The following GAS2 variants were observed in gnomAD, a reference collection of about 807,000 sequenced individuals.
GAS2 encodes growth arrest specific 2, also known as growth arrest-specific protein 2.
In GAS2, 20 loss-of-function variants were observed where a neutral mutation model predicts 37.5. That is an observed-to-expected ratio of 0.53 (90% CI 0.37 to 0.77). GAS2 has a LOEUF of 0.77. Ranked by LOEUF, GAS2 falls within the 30% of genes least tolerant of loss-of-function variation. GAS2 has a pLI of 0.00. For missense variants in GAS2, 336 were observed against 373.4 expected (o/e 0.90, Z 0.82); for synonymous variants, 144 against 132.2 (o/e 1.09, Z -0.61).
intron 7 of GAS2, among the ~76,000 whole-genome samples, chr11:22,809,283 A>C (rs1391770220): frequency 6.6e-6 from 1 of 152,144 alleles, no homozygotes; most frequent in Non-Finnish European, 1.5e-5. Context: ...ATTAAAATTC[A>C]GGGTTTCTAT....
At chr11:22,710,345 A>G (rs896958492) in intron 3 of GAS2, among the ~76,000 whole-genome samples, 3 of 152,086 alleles carry the variant, frequency 2.0e-5, no homozygotes, top group Non-Finnish European at 4.4e-5. Context: ...AGTACCCCAA[A>G]ATAGTTTTGA....
chr11:22,783,335 G>T (rs768927698), intron 7 of GAS2, among the ~76,000 whole-genome samples: 1 of 151,994 alleles, frequency 6.6e-6, no homozygotes, highest in Non-Finnish European at 1.5e-5. Flanking sequence ...ATAGATTCTG[G>T]ATATCACACT....
intron 5 of GAS2, among the ~76,000 whole-genome samples, chr11:22,738,355 A>G (rs1027250868): frequency 2.0e-5 from 3 of 152,198 alleles, no homozygotes; most frequent in Non-Finnish European, 4.4e-5. Context: ...TTAATTTCAG[A>G]AATCATAGCT....
intron 1 of GAS2, among the ~76,000 whole-genome samples, chr11:22,652,660 T>G (rs894978495): frequency 1.3e-5 from 2 of 152,210 alleles, no homozygotes; most frequent in Admixed American, 6.5e-5. Context: ...AAGCGCAGTA[T>G]TCGGGTGGGA....
upstream of GAS2, among the ~76,000 whole-genome samples, chr11:22,665,663 C>T (rs1238467610): frequency 6.6e-6 from 1 of 152,164 alleles, no homozygotes; most frequent in Non-Finnish European, 1.5e-5. Flanking sequence ...CCAAACTTTT[C>T]AATCGGTTTT....
chr11:22,685,965 T>C lies in GAS2; in HGVS notation c.267+176T>C, dbSNP rs111475785. On this transcript the variant is annotated intron_variant, in intron 3 of 7. Coordinates refer to ENST00000454584, the MANE Select transcript of GAS2 (RefSeq NM_001143830.3). ...ACATGTTATTTGCACTCTAATTACA[T>C]AAATTGCATAATCCTTTTGGTGAAT... Among the ~76,000 whole-genome samples, 853 of 152,340 alleles carry C rather than the reference T, an allele frequency of 5.6e-3. 10 individuals are homozygous for C. The highest frequency in any genetic ancestry group is 0.02 in the African/African-American group (817 of 41,572).
intron 1 of GAS2, among the ~76,000 whole-genome samples, chr11:22,645,180 C>T (rs771106045): frequency 4.6e-5 from 7 of 151,858 alleles, no homozygotes; most frequent in South Asian, 2.1e-4. Flanking sequence ...GGGTAGAAGA[C>T]GGAAAGCAGT....
chr11:22,732,765 C>A (rs1223580262), intron 4 of GAS2, among the ~76,000 whole-genome samples: 1 of 123,382 alleles, frequency 8.1e-6, no homozygotes, highest in Admixed American at 9.4e-5. Context: ...TATTTCCCCT[C>A]CATTTATCAT....
At chr11:22,646,492 T>G (rs2133824282) in intron 1 of GAS2, among the ~76,000 whole-genome samples, 1 of 152,330 alleles carries the variant, frequency 6.6e-6, no homozygotes, top group Admixed American at 6.5e-5. Context: ...CTATGTGTTT[T>G]CGAATTTTGT....
At chr11:22,749,739 A>C (rs1431959260) in intron 6 of GAS2, among the ~76,000 whole-genome samples, 1 of 152,070 alleles carries the variant, frequency 6.6e-6, no homozygotes, top group African/African-American at 2.4e-5. Flanking sequence ...GAAATTGAGT[A>C]ACCTGCTGAG....
intron 3 of GAS2, among the ~76,000 whole-genome samples, chr11:22,689,082 A>G (rs1850107322): frequency 6.6e-6 from 1 of 152,152 alleles, no homozygotes; most frequent in African/African-American, 2.4e-5. Flanking sequence ...AACACTGAGT[A>G]CACATGGACA....
chr11:22,769,126 G>A (rs1372587320), intron 7 of GAS2, among the ~76,000 whole-genome samples: 1 of 152,160 alleles, frequency 6.6e-6, no homozygotes. Flanking sequence ...TGTCCACCTG[G>A]TAGGACTTAA....
intron 2 of GAS2, among the ~76,000 whole-genome samples, chr11:22,675,996 G>A (rs1383030): frequency 0.017 from 2,647 of 152,100 alleles, 77 homozygotes; most frequent in African/African-American, 0.06. Flanking sequence ...TTTTTGCATG[G>A]CTTTTGTATT....
chr11:22,725,909 TG>T (rs1852183884), intron 3 of GAS2, among the ~76,000 whole-genome samples: 1 of 152,152 alleles, frequency 6.6e-6, no homozygotes, highest in Non-Finnish European at 1.5e-5. Flanking sequence ...TTCATATATT[TG>T]TATTTCTCCC....
At chr11:22,667,500 C>T (rs1336839393) in intron 1 of GAS2, among the ~76,000 whole-genome samples, 1 of 151,986 alleles carries the variant, frequency 6.6e-6, no homozygotes, top group African/African-American at 2.4e-5. Context: ...AAACGCTAGC[C>T]GATATATATC....
At chr11:22,755,128 T>C (rs1308057103) in intron 6 of GAS2, among the ~76,000 whole-genome samples, 1 of 152,118 alleles carries the variant, frequency 6.6e-6, no homozygotes, top group African/African-American at 2.4e-5. Context: ...TTTATGCACA[T>C]ATCATTTAGA....
At chr11:22,811,733 G>T in intron 7 of GAS2, 65 bp from the exon 8 acceptor site, 2 of 1,441,454 alleles carry the variant, frequency 1.4e-6, no homozygotes, top group East Asian at 2.3e-5. Flanking sequence ...ACTAGAACCA[G>T]GGGTTGATTC....
At chr11:22,779,734 C>T (rs1405658681) in intron 7 of GAS2, among the ~76,000 whole-genome samples, 1 of 151,548 alleles carries the variant, frequency 6.6e-6, no homozygotes, top group African/African-American at 2.4e-5. Context: ...ACCAAACAAA[C>T]AAAAAGAAAG....
intron 1 of GAS2, among the ~76,000 whole-genome samples, chr11:22,673,436 C>T (rs1203169064): frequency 6.6e-6 from 1 of 152,176 alleles, no homozygotes; most frequent in Non-Finnish European, 1.5e-5. Context: ...AACATTACCT[C>T]TTGCCTATTG....
Sources: allele counts gnomAD v4.1 joint callset (sites outside exome capture counted in the v4.1 genomes callset), GRCh38; gene constraint gnomAD v4.1.1; transcripts MANE v1.5; gene names NCBI Gene and HGNC (gene_info 2026-07-23, HGNC 2026-07-21).